Variants in CACNA1C observed in about 807,000 individuals in gnomAD.
CACNA1C encodes voltage-dependent L-type calcium channel subunit alpha-1C.
In CACNA1C, 30 loss-of-function variants were observed where a neutral mutation model predicts 229.0. The observed-to-expected ratio is 0.13, with a 90% CI of 0.10 to 0.18. CACNA1C has a LOEUF of 0.18. Ranked by LOEUF, CACNA1C falls within the 10% of genes least tolerant of loss-of-function variation. The pLI is 1.00. For synonymous variants in CACNA1C, 1,114 were observed against 1,132.5 expected, an observed-to-expected ratio of 0.98 and a Z score of 0.33; for missense variants, 1,658 against 2,845.0, an observed-to-expected ratio of 0.58 and a Z score of 9.49.
At chr12:2,139,323 AG>A (rs1182823867) in intron 3 of CACNA1C, among the ~76,000 whole-genome samples, 1 of 151,158 alleles carries the variant, frequency 6.6e-6, no homozygotes, top group African/African-American at 2.4e-5. Flanking sequence ...TAAGGACAGC[AG>A]TCATTGGATT....
chr12:2,619,873 C>T (rs2239121), intron 29 of CACNA1C, among the ~76,000 whole-genome samples: 109,127 of 151,976 alleles, frequency 0.72, 41,770 homozygotes, highest in Non-Finnish European at 0.85. Flanking sequence ...TAGGTAAGGC[C>T]ACACTTGCCT....
rs538586198 is a variant in CACNA1C at position 2,275,099 on chromosome 12, G to T, written c.477+154669G>T. The stretch of plus-strand genomic sequence containing the variant: ...AAGGACCGTAATTACCTCCTAACAG[G>T]TTTCCACATTTCTCTGCTGTCAGAA... On this transcript the variant is annotated intron_variant, in intron 3 of 46. Coordinates refer to ENST00000399655, the MANE Select transcript of CACNA1C (RefSeq NM_000719.7). The surrounding 1 kb of genome is among the most constrained non-coding windows in gnomAD (Gnocchi z 4.1). Among the ~76,000 whole-genome samples the T allele has an allele frequency of 6.6e-6, 1 of 152,308 alleles. No homozygotes were observed. Among genetic ancestry groups the T allele is most frequent in the East Asian group, 1.9e-4 (1 of 5,184 alleles).
chr12:2,541,033 G>A (rs1297998232), intron 9 of CACNA1C, among the ~76,000 whole-genome samples: 1 of 152,154 alleles, frequency 6.6e-6, no homozygotes. Context: ...TCTTGTCTCT[G>A]AGTCTTCACA....
At chr12:1,985,557 TCTTA>T (rs1321323562) in intron 1 of CACNA1C, among the ~76,000 whole-genome samples, 1 of 152,242 alleles carries the variant, frequency 6.6e-6, no homozygotes, top group Non-Finnish European at 1.5e-5. Context: ...AATGTCACTA[TCTTA>T]TAATTCTAAC....
intron 1 of CACNA1C, among the ~76,000 whole-genome samples, chr12:2,094,250 A>G (rs2072778171): frequency 6.6e-6 from 1 of 152,170 alleles, no homozygotes; most frequent in Non-Finnish European, 1.5e-5. Flanking sequence ...AGCTTAAGAA[A>G]CCAGCAGACA....
intron 9 of CACNA1C, 98 bp from the exon 10 acceptor site, chr12:2,549,845 A>G (rs2099893923): frequency 4.8e-6 from 4 of 839,476 alleles, no homozygotes; most frequent in Non-Finnish European, 8.0e-6. Flanking sequence ...GCCAACCCGC[A>G]CTGGGTCTTG....
At chr12:2,031,485 C>G (rs1194428094) in intron 1 of CACNA1C, among the ~76,000 whole-genome samples, 2 of 152,176 alleles carry the variant, frequency 1.3e-5, no homozygotes, top group African/African-American at 4.8e-5. Context: ...CTGCTGCATT[C>G]CTTGTCCCAT....
chr12:2,556,966 G>T lies in CACNA1C; in HGVS notation c.1497G>T (p.Lys499Asn). ...CGARLAHRIS[K>N]SKFSRYWRRW... ...TCTTTTTCAGCCACCGGATCTCCAA[G>T]TCAAAGTTCAGGTGAGTGAGACTCA... Residue 499 changes from lysine (K) to asparagine (N), a missense_variant, in exon 11 of 47, where the codon AAG becomes AAT. By Grantham distance (94) the Lys-to-Asn change is moderately conservative. This residue lies in a region of CACNA1C where 149 missense variants were observed against 194.2 expected (regional missense o/e 0.77). Transcript: ENST00000399655. 3 of 1,613,150 alleles carry T rather than the reference G, an allele frequency of 1.9e-6. No individual in the cohort carries two copies. Among genetic ancestry groups the T allele is most frequent in the Non-Finnish European group, 2.5e-6 (3 of 1,179,156 alleles).
Position 2,689,381 on chromosome 12 carries a change from C to T in CACNA1C, c.6117+602C>T, listed in dbSNP as rs1416538313. ...TCCTAGAAACCATTTCCTAGGAGAA[C>T]CGTTTCAGGGAATTCGGGAAGAAAA... On this transcript the variant is annotated intron_variant, in intron 46 of 46. Coordinates refer to ENST00000399655, the MANE Select transcript of CACNA1C (RefSeq NM_000719.7). The surrounding 1 kb of genome is among the most constrained non-coding windows in gnomAD (Gnocchi z 4.2). Among the ~76,000 whole-genome samples, 1 of 152,022 alleles carries T rather than the reference C, an allele frequency of 6.6e-6. No homozygotes were observed. The highest frequency in any genetic ancestry group is 2.4e-5 in the African/African-American group (1 of 41,382).
intron 3 of CACNA1C, among the ~76,000 whole-genome samples, chr12:2,180,225 C>T (rs1012749864): frequency 1.4e-4 from 22 of 152,362 alleles, no homozygotes; most frequent in African/African-American, 5.3e-4. Flanking sequence ...ACACCACACA[C>T]TCTTAAGTGT....
intron 3 of CACNA1C, among the ~76,000 whole-genome samples, chr12:2,272,358 T>C (rs1054921116): frequency 7.9e-5 from 12 of 152,172 alleles, no homozygotes; most frequent in Non-Finnish European, 1.5e-4. Flanking sequence ...CCTGAAGGCT[T>C]GTCCATGCCT....
intron 1 of CACNA1C, chr12:1,993,520 G>A (rs1427943918): frequency 3.6e-6 from 4 of 1,106,472 alleles, no homozygotes; most frequent in Non-Finnish European, 5.1e-6. Context: ...TAAGCAGCCT[G>A]TACACGTACT....
chr12:2,448,890 C>G (rs2099326901), intron 3 of CACNA1C, 86 bp from the exon 4 acceptor site: 2 of 1,163,756 alleles, frequency 1.7e-6, no homozygotes, highest in East Asian at 2.4e-5. Context: ...TATCTTCCAC[C>G]TACTTGTGAG....
chr12:2,431,371 G>C (rs2154558462), intron 3 of CACNA1C, among the ~76,000 whole-genome samples: 1 of 152,298 alleles, frequency 6.6e-6, no homozygotes, highest in South Asian at 2.1e-4. Flanking sequence ...CCTACCCAAG[G>C]TCACCCAGCT....
chr12:2,571,796 G>A, intron 13 of CACNA1C, among the ~76,000 whole-genome samples: 1 of 152,160 alleles, frequency 6.6e-6, no homozygotes, highest in African/African-American at 2.4e-5. Flanking sequence ...AGACTAATTA[G>A]GTTGGGGGAT....
At chr12:1,992,437 AAAATATAC>A (rs1398416428) in intron 1 of CACNA1C, 4 of 153,378 alleles carry the variant, frequency 2.6e-5, no homozygotes, top group African/African-American at 9.6e-5. Flanking sequence ...AGTAGGATGA[AAAATATAC>A]AGAAAACATT....
chr12:2,424,020 C>T (rs982320418), intron 3 of CACNA1C, among the ~76,000 whole-genome samples: 5 of 151,976 alleles, frequency 3.3e-5, no homozygotes, highest in Admixed American at 2.6e-4. Context: ...AGACTGCCTG[C>T]GATGTCAGTG....
chr12:2,628,435 G>A (rs2088361952), intron 29 of CACNA1C, among the ~76,000 whole-genome samples: 1 of 152,170 alleles, frequency 6.6e-6, no homozygotes, highest in African/African-American at 2.4e-5. Flanking sequence ...CTAGTGACCT[G>A]GAGGATGGGC....
intron 1 of CACNA1C, among the ~76,000 whole-genome samples, chr12:2,025,952 A>G (rs2047257454): frequency 6.6e-6 from 1 of 152,232 alleles, no homozygotes; most frequent in Non-Finnish European, 1.5e-5. Context: ...GAAGACATTT[A>G]CTGGAAACAA....
Sources: allele counts gnomAD v4.1 joint callset (sites outside exome capture counted in the v4.1 genomes callset), GRCh38; gene constraint gnomAD v4.1.1; regional missense constraint gnomAD v4.1.1; non-coding constraint Gnocchi (gnomAD v3.1); transcripts MANE v1.5; gene names NCBI Gene and HGNC (gene_info 2026-07-23, HGNC 2026-07-21).